TUBB8: variants seen among roughly 807,000 people sequenced by gnomAD.
The protein encoded by TUBB8 is tubulin beta 8 class VIII, also known as tubulin beta-8 chain.
A neutral mutation model predicts 33.7 loss-of-function variants in TUBB8; 25 were observed. The ratio of observed to expected loss-of-function variants is 0.74; its 90% CI spans 0.54 to 1.04. TUBB8 has a LOEUF of 1.04. TUBB8 is among the 50% of genes least tolerant of loss of function. The probability of loss-of-function intolerance (pLI) is 0.00; values close to 1 mark genes in which losing one functional copy is unlikely to be tolerated. For missense variants in TUBB8, 279 were observed against 608.0 expected (o/e 0.46, Z 5.69); for synonymous variants, 245 against 240.1 (o/e 1.02, Z -0.19).
chr10:72,245 T>G (rs1554742418), intron 1 of TUBB8, among the ~76,000 whole-genome samples: 1 of 142,456 alleles, frequency 7.0e-6, no homozygotes, highest in Non-Finnish European at 1.5e-5. Context: ...ACAAAAAAAT[T>G]TTTTTAATTA....
chr10:53,902 T>A (rs1175890622), upstream of TUBB8, among the ~76,000 whole-genome samples: 1 of 152,302 alleles, frequency 6.6e-6, no homozygotes, highest in African/African-American at 2.4e-5. Context: ...TTGTAATTTT[T>A]AATTAATTTT....
At chr10:59,639 T>A (rs1377724170) in intron 1 of TUBB8, among the ~76,000 whole-genome samples, 4 of 152,264 alleles carry the variant, frequency 2.6e-5, no homozygotes, top group Admixed American at 1.3e-4. Flanking sequence ...AATTTTTGCA[T>A]CAATATTCTC....
intron 1 of TUBB8, among the ~76,000 whole-genome samples, chr10:61,349 A>C (rs1834599343): frequency 6.6e-6 from 1 of 152,298 alleles, no homozygotes; most frequent in East Asian, 1.9e-4. Flanking sequence ...TTTTCTTTTT[A>C]ACATTTTTAT....
At chr10:65,022 C>T (rs1554741402) in intron 1 of TUBB8, among the ~76,000 whole-genome samples, 1 of 151,356 alleles carries the variant, frequency 6.6e-6, no homozygotes, top group South Asian at 2.1e-4. Context: ...TTGGCACGCA[C>T]CTGTGTTCCC....
chr10:49,459 G>C (rs1223005597), upstream of TUBB8: 1 of 691,240 alleles, frequency 1.4e-6, no homozygotes, highest in African/African-American at 1.8e-5. Flanking sequence ...GTGTCCTTGC[G>C]TGGTCCTTTC....
chr10:62,954 C>T (rs373799984), intron 1 of TUBB8, among the ~76,000 whole-genome samples: 10,396 of 140,728 alleles, frequency 0.074, no homozygotes, highest in Middle Eastern at 0.15. Context: ...CAGTTAAGTG[C>T]CTTGAGGTGG....
chr10:56,382 A>G (rs1229858430), intron 1 of TUBB8, among the ~76,000 whole-genome samples: 1 of 152,242 alleles, frequency 6.6e-6, no homozygotes, highest in Non-Finnish European at 1.5e-5. Context: ...TGGATATATT[A>G]GGCCATTCTC....
At position 48,815 on chromosome 10, in the gene TUBB8, TTGTAG is replaced by T. The variant is rs1834414051; in HGVS notation, c.150_154del (p.Tyr50Ter). Reference sequence around the variant, plus strand: ...GACGGGGGTCTCACCGCTGGCCTCGTTGTAGTACACGTTGATGCGCTCCAGCTGCA... The same window carrying T: ...GACGGGGGTCTCACCGCTGGCCTCGTTACACGTTGATGCGCTCCAGCTGCA... On this transcript the variant is annotated stop_gained and frameshift_variant, in exon 2 of 4. Transcript: ENST00000568584. LOFTEE classifies it high-confidence loss of function. 1 of 1,610,840 alleles carries T rather than the reference TTGTAG, an allele frequency of 6.2e-7. No homozygotes were observed. The highest frequency in any genetic ancestry group is 8.5e-7 in the Non-Finnish European group (1 of 1,179,106).
At chr10:56,917 G>A (rs1237361605) in intron 1 of TUBB8, among the ~76,000 whole-genome samples, 1 of 152,038 alleles carries the variant, frequency 6.6e-6, no homozygotes, top group Non-Finnish European at 1.5e-5. Flanking sequence ...CTAAGACAAA[G>A]CTAGTTTATT....
intron 1 of TUBB8, among the ~76,000 whole-genome samples, chr10:71,310 A>C (rs1834733628): frequency 6.6e-6 from 1 of 151,890 alleles, no homozygotes; most frequent in Non-Finnish European, 1.5e-5. Flanking sequence ...GTGAGACTGC[A>C]TCTCAAAAAA....
At chr10:65,187 G>A (rs184034013) in intron 1 of TUBB8, among the ~76,000 whole-genome samples, 226 of 152,248 alleles carry the variant, frequency 1.5e-3, no homozygotes, top group South Asian at 0.015. Context: ...AAGGCTACAG[G>A]CACTCTCTTG....
Position 48,196 on chromosome 10 carries a change from C to T in TUBB8, c.278-82G>A, listed in dbSNP as rs4607995. On this transcript the variant is annotated intron_variant, in intron 3 of 3. Transcript: ENST00000568584. ...CCACCATAATGCAGAAAGAGCCAAG[C>T]GTCACACGTGAGGTGAGAGCACCGT... The T allele has an allele frequency of 0.79, 770,148 of 979,890 alleles. 288,629 individuals are homozygous for T. Among genetic ancestry groups the T allele is most frequent in the Middle Eastern group, 0.87 (2,896 of 3,314 alleles). The allele number at this position is 979,890 out of a possible 1,614,324, so 60.7% of individuals were successfully genotyped here. A position where few individuals can be genotyped will look rare whatever the true frequency, so the allele number is the denominator to read the frequency against.
At chr10:71,936 A>G (rs547395655) in intron 1 of TUBB8, among the ~76,000 whole-genome samples, 2 of 151,888 alleles carry the variant, frequency 1.3e-5, no homozygotes, top group African/African-American at 4.8e-5. Flanking sequence ...AATCAATAAA[A>G]ATGTAAAGGC....
intron 1 of TUBB8, among the ~76,000 whole-genome samples, chr10:63,878 G>A (rs1319707951): frequency 6.6e-6 from 1 of 152,052 alleles, no homozygotes; most frequent in African/African-American, 2.4e-5. Flanking sequence ...GCATTGAAGA[G>A]GTCAGTCTTT....
chr10:51,213 C>G (rs1198872824), upstream of TUBB8, among the ~76,000 whole-genome samples: 1 of 152,112 alleles, frequency 6.6e-6, no homozygotes, highest in Non-Finnish European at 1.5e-5. Context: ...TGGGTTCAAG[C>G]GATTCCTGTC....
rs1554737987 is a variant in TUBB8, at chr10:47,177, C to G, written c.1215G>C (p.Glu405Asp). ...LHWYTGEGMD[E>D]MEFTEAESNM... The stretch of plus-strand genomic sequence containing the variant: ...TGCTCTCGGCCTCGGTGAATTCCAT[C>G]TCATCCATGCCCTCGCCCGTGTACC... The change falls in exon 4 of 4, where the codon GAG becomes GAC. Residue 405 changes from glutamate (E) to aspartate (D), a missense_variant. Around this residue, in one of 4 missense-constraint regions of TUBB8, gnomAD observed 123 missense variants for 228.9 expected, o/e 0.54. Coordinates refer to ENST00000568584, the MANE Select transcript of TUBB8 (RefSeq NM_177987.3). The G allele has an allele frequency of 6.2e-7, 1 of 1,609,060 alleles. No individual in the cohort carries two copies. Among genetic ancestry groups the G allele is most frequent in the Non-Finnish European group, 8.5e-7 (1 of 1,177,268 alleles).
chr10:63,287 A>G (rs1472611920), intron 1 of TUBB8, among the ~76,000 whole-genome samples: 3 of 152,238 alleles, frequency 2.0e-5, no homozygotes, highest in Non-Finnish European at 4.4e-5. Context: ...CGTGTTAGCC[A>G]GGATGGTCTT....
At chr10:60,099 T>C (rs1285459207) in intron 1 of TUBB8, among the ~76,000 whole-genome samples, 2 of 152,224 alleles carry the variant, frequency 1.3e-5, no homozygotes, top group Non-Finnish European at 2.9e-5. Context: ...TGCACTGTTT[T>C]CTTCATTTTA....
chr10:49,920 T>C (rs200412310), upstream of TUBB8: 1 of 173,808 alleles, frequency 5.8e-6, no homozygotes. Flanking sequence ...CTGTGAAAGA[T>C]GGGCCATTGT....
Sources: gnomAD v4.1 joint callset for allele counts (sites outside exome capture counted in the v4.1 genomes callset) on GRCh38, gnomAD v4.1.1 for gene constraint, gnomAD v4.1.1 regional missense constraint, MANE v1.5 for transcripts, NCBI Gene and HGNC (gene_info 2026-07-23, HGNC 2026-07-21) for gene names.